SIMC1: variants seen among roughly 807,000 people sequenced by gnomAD.
SIMC1 encodes SUMO interacting motifs containing 1, also known as SUMO-interacting motif-containing protein 1.
A neutral mutation model predicts 82.3 loss-of-function variants in SIMC1; 55 were observed. That is an observed-to-expected ratio of 0.67 (90% CI 0.54 to 0.84). SIMC1 has a LOEUF of 0.84. Ranked by LOEUF, SIMC1 falls within the 40% of genes least tolerant of loss-of-function variation. The pLI is 0.00. For missense variants in SIMC1, 915 were observed against 1,107.2 expected (o/e 0.83, Z 2.46); for synonymous variants, 353 against 426.3 (o/e 0.83, Z 2.12).
chr5:176,297,386 C>A (rs372997589), intron 4 of SIMC1, among the ~76,000 whole-genome samples: 1 of 151,628 alleles, frequency 6.6e-6, no homozygotes, highest in African/African-American at 2.4e-5. Context: ...CCTGTAATCC[C>A]AGCTACTCGG....
Position 176,299,891 on chromosome 5 carries a change from T to G in SIMC1, c.1734+3571T>G, listed in dbSNP as rs184306832. On this transcript the variant is annotated intron_variant, in intron 4 of 9. Transcript: ENST00000429602. ...ACATGTTGGGCCACAAAACAAGACT[T>G]AAACAAAATGTAAAAACATCAATAT... is the stretch of plus-strand genomic sequence containing the variant. Among the ~76,000 whole-genome samples, 391 of 152,202 alleles carry G rather than the reference T, an allele frequency of 2.6e-3. 2 individuals carry two copies. Among genetic ancestry groups the G allele is most frequent in the South Asian group, 0.012 (59 of 4,818 alleles).
intron 1 of SIMC1, among the ~76,000 whole-genome samples, chr5:176,247,827 C>G (rs561068934): frequency 6.6e-6 from 1 of 151,874 alleles, no homozygotes; most frequent in Admixed American, 6.6e-5. Flanking sequence ...CTGCATATGG[C>G]TAGCCAGTTT....
intron 1 of SIMC1, among the ~76,000 whole-genome samples, chr5:176,252,545 G>T (rs547179530): frequency 1.3e-5 from 2 of 151,294 alleles, no homozygotes; most frequent in African/African-American, 4.9e-5. Context: ...GACGATGGGC[G>T]GCCGGGCAGA....
At chr5:176,285,469 T>G (rs545190716) in intron 1 of SIMC1, among the ~76,000 whole-genome samples, 8 of 152,112 alleles carry the variant, frequency 5.3e-5, no homozygotes, top group African/African-American at 1.4e-4. Flanking sequence ...AATAAATTAG[T>G]TATTGATGGG....
chr5:176,337,847 C>T (rs1259237801), intron 9 of SIMC1, among the ~76,000 whole-genome samples: 1 of 152,154 alleles, frequency 6.6e-6, no homozygotes, highest in Non-Finnish European at 1.5e-5. Flanking sequence ...CTGCTTGGGT[C>T]ACAGGTGAAG....
chr5:176,273,773 C>A (rs113505218), intron 1 of SIMC1, among the ~76,000 whole-genome samples: 1 of 151,956 alleles, frequency 6.6e-6, no homozygotes, highest in African/African-American at 2.4e-5. Context: ...TTTGTTCTTG[C>A]GATAGTTTAC....
At position 176,332,276 on chromosome 5, in the gene SIMC1, T is replaced by G. The variant is rs542255006; in HGVS notation, c.2172-4444T>G. Among the ~76,000 whole-genome samples, 5 of 152,254 alleles carry G rather than the reference T, an allele frequency of 3.3e-5. No homozygotes were observed. The South Asian group carries it at 1.0e-3, about 32-fold the overall frequency. On this transcript the variant is annotated intron_variant, in intron 7 of 9. Transcript: ENST00000429602. Reference sequence around the variant, plus strand: ...GTTCTCTTTTTTAAATTAAAATCTTTTTGTTTGTTTTTGTTTGTTTGCTTG... The same window carrying G: ...GTTCTCTTTTTTAAATTAAAATCTTGTTGTTTGTTTTTGTTTGTTTGCTTG...
At chr5:176,325,248 G>A (rs549431181) in intron 7 of SIMC1, among the ~76,000 whole-genome samples, 37 of 152,176 alleles carry the variant, frequency 2.4e-4, no homozygotes, top group South Asian at 2.3e-3. Flanking sequence ...TTAGTTGGGC[G>A]TGGTGGTGCA....
intron 5 of SIMC1, among the ~76,000 whole-genome samples, chr5:176,314,789 A>G (rs1032016782): frequency 7.2e-5 from 11 of 152,206 alleles, no homozygotes; most frequent in African/African-American, 1.4e-4. Flanking sequence ...TTGACTTTAC[A>G]TTGGTACAGA....
At position 176,341,750 on chromosome 5, in the gene SIMC1, G is replaced by GTGATGA. The variant is rs59865118; in HGVS notation, c.2414-3408_2414-3403dup. Among the ~76,000 whole-genome samples, 75 of 151,728 alleles carry GTGATGA rather than the reference G, an allele frequency of 4.9e-4. No homozygotes were observed. The East Asian group carries it at 9.3e-3, about 19-fold the overall frequency. On this transcript the variant is annotated intron_variant, in intron 9 of 9. Coordinates refer to ENST00000429602, the MANE Select transcript of SIMC1 (RefSeq NM_001308195.2). ...ACATATTAGGTAGGAGATTCCTATA[G>GTGATGA]TGATGATGATGATGATGATGATGAT...
intron 2 of SIMC1, 75 bp from the exon 3 acceptor site, chr5:176,294,955 A>G: frequency 2.1e-6 from 3 of 1,448,400 alleles, no homozygotes; most frequent in Non-Finnish European, 2.7e-6. Context: ...ACAGAGCAAG[A>G]CTCCGTCTCA....
chr5:176,345,201 T>C lies in SIMC1; in HGVS notation c.2432T>C (p.Val811Ala). Reference sequence around the variant, plus strand: ...CTTGCAGAACACTTAAGGAGTTCCGTGATCGACCGAAAGGACTTAATAATC... The same window carrying C: ...CTTGCAGAACACTTAAGGAGTTCCGCGATCGACCGAAAGGACTTAATAATC... ...HVLREHLRSS[V>A]IDRKDLIIKR... is the part of the protein sequence containing the mutation. The change falls in exon 10 of 10, where the codon GTG becomes GCG. Residue 811 changes from valine to alanine, a missense_variant. By Grantham distance (64) the Val-to-Ala change is moderately conservative (BLOSUM62 0). Around this residue, in one of 2 missense-constraint regions of SIMC1, gnomAD observed 902 missense variants for 1,040.3 expected, o/e 0.87. Transcript: ENST00000429602. The C allele has an allele frequency of 6.2e-7, 1 of 1,613,934 alleles. No individual in the cohort carries two copies. Among genetic ancestry groups the C allele is most frequent in the Non-Finnish European group, 8.5e-7 (1 of 1,179,862 alleles).
At position 176,340,085 on chromosome 5, in the gene SIMC1, A is replaced by T. The variant is rs1298948217; in HGVS notation, c.2413+2939A>T. Among the ~76,000 whole-genome samples, 6 of 152,150 alleles carry T rather than the reference A, an allele frequency of 3.9e-5. No homozygotes were observed. The East Asian group carries it at 7.7e-4, about 20-fold the overall frequency. The stretch of plus-strand genomic sequence containing the variant: ...CCAAGCTTTCCTTTTGTTTAGGGGA[A>T]CTCTCAGCATGGAGGAAGAAAGGAA... On this transcript the variant is annotated intron_variant, in intron 9 of 9. Coordinates refer to ENST00000429602, the MANE Select transcript of SIMC1 (RefSeq NM_001308195.2).
At chr5:176,325,423 C>T (rs2113377716) in intron 7 of SIMC1, among the ~76,000 whole-genome samples, 1 of 148,660 alleles carries the variant, frequency 6.7e-6, no homozygotes, top group African/African-American at 2.5e-5. Flanking sequence ...TGGTGGCTCA[C>T]ACCTGTAATC....
At chr5:176,334,262 C>A (rs1411929302) in intron 7 of SIMC1, among the ~76,000 whole-genome samples, 2 of 152,130 alleles carry the variant, frequency 1.3e-5, no homozygotes, top group African/African-American at 2.4e-5. Flanking sequence ...GGATTTTGCT[C>A]TCTTTCTTTA....
In SIMC1 at chr5:176,345,458, C is replaced by A; in HGVS notation, c.*13C>A. ...GAGCGGCTCCTGAGGGCCTGCCAAG[C>A]ACTGAATGCCAAGAATACCTCCTGA... On this transcript the variant is annotated 3_prime_UTR_variant, in exon 10 of 10. Coordinates refer to ENST00000429602, the MANE Select transcript of SIMC1 (RefSeq NM_001308195.2). The A allele has an allele frequency of 6.2e-7, 1 of 1,602,854 alleles. No individual in the cohort carries two copies. Among genetic ancestry groups the A allele is most frequent in the South Asian group, 1.1e-5 (1 of 89,994 alleles).
chr5:176,248,953 A>G (rs1378748107), intron 1 of SIMC1, among the ~76,000 whole-genome samples: 4 of 152,144 alleles, frequency 2.6e-5, no homozygotes, highest in Non-Finnish European at 4.4e-5. Flanking sequence ...GATGAAGCCA[A>G]TTTGATCGTG....
rs1427894670 is a variant in SIMC1 at position 176,308,193 on chromosome 5, A to G, written c.1735-5498A>G. 23 of 1,461,246 alleles carry G rather than the reference A, an allele frequency of 1.6e-5. No individual in the cohort carries two copies. The Admixed American group carries it at 2.0e-4, about 13-fold the overall frequency. The allele number at this position is 1,461,246 out of a possible 1,614,324, so 90.5% of individuals were successfully genotyped here. The stretch of plus-strand genomic sequence containing the variant: ...GGGCTGTGGATAGGGGAGTTGAACA[A>G]TGATACAAGGAGTGACTCCAAATTT... On this transcript the variant is annotated intron_variant, in intron 4 of 9. Coordinates refer to ENST00000429602, the MANE Select transcript of SIMC1 (RefSeq NM_001308195.2).
At chr5:176,281,077 G>A (rs145801928) in intron 1 of SIMC1, among the ~76,000 whole-genome samples, 87 of 152,296 alleles carry the variant, frequency 5.7e-4, no homozygotes, top group African/African-American at 2.1e-3. Flanking sequence ...CCAATCAGAC[G>A]TAGATTTGTT....
Sources: gnomAD v4.1 joint callset for allele counts (sites outside exome capture counted in the v4.1 genomes callset) on GRCh38, gnomAD v4.1.1 for gene constraint, gnomAD v4.1.1 regional missense constraint, MANE v1.5 for transcripts, NCBI Gene and HGNC (gene_info 2026-07-23, HGNC 2026-07-21) for gene names.